TDRD12: variants seen among roughly 807,000 people sequenced by gnomAD.
TDRD12 encodes the protein tudor domain containing 12.
Under a neutral mutation model 133.5 loss-of-function variants are expected in TDRD12, and 158 were observed. The observed-to-expected ratio is 1.18, with a 90% CI of 1.04 to 1.35. The LOEUF is 1.35. Among genes scored for constraint, TDRD12 ranks in the 40% most tolerant of loss-of-function variants. TDRD12 has a pLI of 0.00. For missense variants in TDRD12, 1,443 were observed against 1,321.3 expected, an observed-to-expected ratio of 1.09 and a Z score of -1.43; for synonymous variants, 460 against 477.9, an observed-to-expected ratio of 0.96 and a Z score of 0.49.
intron 10 of TDRD12, among the ~76,000 whole-genome samples, chr19:32,775,066 G>T (rs2145607369): frequency 6.6e-6 from 1 of 151,294 alleles, no homozygotes; most frequent in South Asian, 2.1e-4. Context: ...TTCTTTGTTT[G>T]TAGCTTTCTT....
At chr19:32,726,430 C>A (rs1429698701) in intron 1 of TDRD12, among the ~76,000 whole-genome samples, 1 of 152,162 alleles carries the variant, frequency 6.6e-6, no homozygotes, top group African/African-American at 2.4e-5. Flanking sequence ...CTCCAGAAGT[C>A]TTTTTCCTTT....
chr19:32,756,403 T>A (rs961130162), intron 7 of TDRD12, among the ~76,000 whole-genome samples: 1 of 152,102 alleles, frequency 6.6e-6, no homozygotes, highest in Non-Finnish European at 1.5e-5. Flanking sequence ...CTGTTTTTTT[T>A]TTGAGACGGA....
chr19:32,773,516 G>C, exon 10 of TDRD12: 1 of 1,551,736 alleles, frequency 6.4e-7, no homozygotes, highest in Non-Finnish European at 8.7e-7. Context: ...TGCTGATCCA[G>C]ATGTACCAGA....
intron 1 of TDRD12, among the ~76,000 whole-genome samples, chr19:32,730,658 C>G (rs892250311): frequency 2.0e-5 from 3 of 152,108 alleles, no homozygotes; most frequent in East Asian, 3.9e-4. Flanking sequence ...GCAAAGATGT[C>G]ATTTTTGCCC....
intron 11 of TDRD12, among the ~76,000 whole-genome samples, chr19:32,788,650 AG>A (rs1970978801): frequency 6.6e-6 from 1 of 151,506 alleles, no homozygotes; most frequent in Non-Finnish European, 1.5e-5. Flanking sequence ...CTTTTTTTGC[AG>A]GGTGCATTAC....
Position 32,800,212 on chromosome 19 carries a change from G to GA in TDRD12, c.1807dup (p.Arg603LysfsTer29). On this transcript the variant is annotated frameshift_variant, in exon 17 of 28. Coordinates refer to ENST00000444215, the Ensembl canonical transcript of TDRD12. LOFTEE classifies it high-confidence loss of function. ...CTTTAAAAAAAATATTGAAGTTGAA[G>GA]AAAGGGAATCTGCACCACATCAGAT... 1.3e-6 allele frequency: 2 copies of GA among 1,525,354 alleles called. No homozygotes were observed. The highest frequency in any genetic ancestry group is 1.2e-5 in the South Asian group (1 of 81,060). 94.5% of individuals were successfully genotyped at this position (1,525,354 alleles called of 1,614,324 possible). A position where few individuals can be genotyped will look rare whatever the true frequency, so the allele number is the denominator to read the frequency against.
intron 9 of TDRD12, chr19:32,826,713 T>TG (rs1967603493): frequency 8.1e-6 from 10 of 1,232,380 alleles, no homozygotes; most frequent in Non-Finnish European, 1.0e-5. Context: ...TTTTGATCAC[T>TG]GGGAAGACTG....
At chr19:32,823,384 T>TTG (rs1967470473), downstream of TDRD12, among the ~76,000 whole-genome samples, 1 of 151,412 alleles carries the variant, frequency 6.6e-6, no homozygotes, top group African/African-American at 2.4e-5. Flanking sequence ...AGCTTTTTTT[T>TTG]GGGGGGTGGG....
At chr19:32,756,241 A>G (rs1969988273) in intron 7 of TDRD12, 60 bp downstream of exon 7, 10 of 1,337,232 alleles carry the variant, frequency 7.5e-6, no homozygotes, top group Non-Finnish European at 8.7e-6. Context: ...ATCTTAGTGT[A>G]TAGATATAAG....
intron 11 of TDRD12, 30 bp downstream of exon 11, chr19:32,777,259 G>A: frequency 8.0e-7 from 1 of 1,249,866 alleles, no homozygotes; most frequent in Non-Finnish European, 1.1e-6. Flanking sequence ...CCTGAATTGT[G>A]TATTGAAATA....
At chr19:32,813,037 G>A (rs1345539309) in intron 24 of TDRD12, among the ~76,000 whole-genome samples, 1 of 152,112 alleles carries the variant, frequency 6.6e-6, no homozygotes, top group East Asian at 1.9e-4. Context: ...TTAACCAAGT[G>A]TGGTGGTGCA....
At chr19:32,824,449 T>C (rs12608999), downstream of TDRD12, 22,666 of 153,328 alleles carry the variant, frequency 0.15, 1,770 homozygotes, top group East Asian at 0.29. Context: ...TTGTGTTGCA[T>C]GTGGCCCGGC....
At chr19:32,821,359 A>G (rs894298406), downstream of TDRD12, 2 of 557,738 alleles carry the variant, frequency 3.6e-6, no homozygotes, top group Non-Finnish European at 6.4e-6. Flanking sequence ...TTAAGTGAAC[A>G]GCTCAGCAGA....
At chr19:32,811,231 C>A (rs1422376636) in exon 24 of TDRD12, 2 of 1,535,884 alleles carry the variant, frequency 1.3e-6, no homozygotes, top group African/African-American at 1.4e-5. Flanking sequence ...TGGAAGTGAA[C>A]CAAAAAGAAG....
At chr19:32,736,602 T>A (rs1180039498) in intron 2 of TDRD12, among the ~76,000 whole-genome samples, 6 of 152,260 alleles carry the variant, frequency 3.9e-5, no homozygotes. Context: ...GGATTTCTGT[T>A]GAATTATTCG....
rs112461970 is a variant in TDRD12, at chr19:32,752,141, T to G, written c.582+2272T>G. ...TGCCTGTCTCAGCCTCCCAAAGTGCTGGGATTACAGGCATTAGCCATCACA... is the reference window on the plus strand; with the variant it reads ...TGCCTGTCTCAGCCTCCCAAAGTGCGGGGATTACAGGCATTAGCCATCACA... On this transcript the variant is annotated intron_variant, in intron 6 of 27. Coordinates refer to ENST00000444215, the Ensembl canonical transcript of TDRD12. Among the ~76,000 whole-genome samples, 69 of 152,250 alleles carry G rather than the reference T, an allele frequency of 4.5e-4. 1 individual carries two copies. The highest frequency in any genetic ancestry group is 1.7e-3 in the African/African-American group (69 of 41,546).
At chr19:32,747,593 A>G (rs1290995436) in intron 4 of TDRD12, among the ~76,000 whole-genome samples, 2 of 152,142 alleles carry the variant, frequency 1.3e-5, no homozygotes, top group African/African-American at 2.4e-5. Flanking sequence ...CCCACTGCCT[A>G]CAGCTTTTCC....
chr19:32,773,336 A>G, intron 9 of TDRD12, 120 bp from the exon 10 acceptor site: 1 of 858,200 alleles, frequency 1.2e-6, no homozygotes, highest in Non-Finnish European at 1.9e-6. Context: ...CTGTGTGTGC[A>G]TGAAAGATGT....
chr19:32,749,203 G>C (rs1169640919), intron 5 of TDRD12, among the ~76,000 whole-genome samples: 1 of 152,086 alleles, frequency 6.6e-6, no homozygotes, highest in African/African-American at 2.4e-5. Context: ...ACTGTGACTG[G>C]AGTTTTGGCC....
Sources: gnomAD v4.1 joint callset for allele counts (sites outside exome capture counted in the v4.1 genomes callset) on GRCh38, gnomAD v4.1.1 for gene constraint, MANE v1.5 for transcripts, NCBI Gene and HGNC (gene_info 2026-07-23, HGNC 2026-07-21) for gene names.